Variants in ACER3 observed in about 807,000 individuals in gnomAD.
The protein encoded by ACER3 is alkaline ceramidase 3.
A neutral mutation model predicts 48.9 loss-of-function variants in ACER3; 16 were observed. The observed-to-expected ratio is 0.33, with a 90% confidence interval of 0.22 to 0.50. The LOEUF (loss-of-function observed/expected upper bound fraction) is 0.50, where lower values mean the gene tolerates loss of function less well. Ranked by LOEUF, ACER3 falls within the 20% of genes least tolerant of loss-of-function variation. ACER3 has a pLI of 0.98. For synonymous variants in ACER3, 109 were observed against 107.8 expected, an observed-to-expected ratio of 1.01 and a Z score of -0.07; for missense variants, 227 against 326.0, an observed-to-expected ratio of 0.70 and a Z score of 2.34.
rs1949477854 is a variant in ACER3 at position 77,021,810 on chromosome 11, T to C, written c.*1483T>C. On this transcript the variant is annotated 3_prime_UTR_variant, in exon 11 of 11. Transcript: ENST00000532485. ...AACTATTCTGTTGTTTTTCTTCACC[T>C]ACTAGCCTTAGTTTTTAACCAAGTA... 1 of 152,174 alleles carries C rather than the reference T, an allele frequency of 6.6e-6. No homozygotes were observed. Among genetic ancestry groups the C allele is most frequent in the African/African-American group, 2.4e-5 (1 of 41,430 alleles). 9.4% of individuals were successfully genotyped at this position (152,174 alleles called of 1,614,324 possible). A position where few individuals can be genotyped will look rare whatever the true frequency, so the allele number is the denominator to read the frequency against.
At chr11:77,019,436 G>A (rs907014784) in intron 9 of ACER3, 2 of 238,664 alleles carry the variant, frequency 8.4e-6, no homozygotes, top group African/African-American at 4.6e-5. Context: ...TCCAGCCTGG[G>A]TGACAGAGCA....
intron 1 of ACER3, chr11:76,868,213 G>A (rs1945144562): frequency 2.3e-6 from 3 of 1,289,766 alleles, no homozygotes; most frequent in Middle Eastern, 2.1e-4. Flanking sequence ...GCTGGCAGAG[G>A]TGACATCCCT....
intron 3 of ACER3, among the ~76,000 whole-genome samples, chr11:76,961,173 G>C (rs1008411654): frequency 1.3e-5 from 2 of 152,172 alleles, no homozygotes; most frequent in Admixed American, 6.5e-5. Context: ...ACATTAAGGA[G>C]AATGGGAGCC....
Position 76,963,095 on chromosome 11 carries a change from G to A in ACER3, c.267+4064G>A, listed in dbSNP as rs1371903725. Reference sequence around the variant, plus strand: ...GATAAGCCACAGATAAGCAGGCAAGGCAGGAAAAGTCCAGCATAGAAGCCT... The same window carrying A: ...GATAAGCCACAGATAAGCAGGCAAGACAGGAAAAGTCCAGCATAGAAGCCT... On this transcript the variant is annotated intron_variant, in intron 3 of 10. Transcript: ENST00000532485. 5.3e-5 allele frequency among the ~76,000 whole-genome samples: 8 copies of A among 151,384 alleles called. No homozygotes were observed. In the East Asian group the frequency reaches 1.5e-3, roughly 29 times the overall value.
At chr11:76,996,884 C>A (rs1455271413) in intron 6 of ACER3, among the ~76,000 whole-genome samples, 2 of 151,952 alleles carry the variant, frequency 1.3e-5, no homozygotes, top group African/African-American at 4.8e-5. Flanking sequence ...TGCCACCACA[C>A]CTGGCTAATT....
chr11:76,963,573 T>G (rs900225546), intron 3 of ACER3, among the ~76,000 whole-genome samples: 1 of 151,312 alleles, frequency 6.6e-6, no homozygotes, highest in Non-Finnish European at 1.5e-5. Context: ...AGGTGAAACC[T>G]CGGTCAAATC....
intron 2 of ACER3, among the ~76,000 whole-genome samples, chr11:76,943,624 T>C (rs73489585): frequency 0.11 from 16,339 of 152,008 alleles, 2,904 homozygotes; most frequent in African/African-American, 0.37. Context: ...AAATAATATA[T>C]ATTCTGTAGT....
rs539636615 is a variant in ACER3, at chr11:76,889,956, A to T, written c.103+28877A>T. On this transcript the variant is annotated intron_variant, in intron 1 of 10. Transcript: ENST00000532485. ...TTAAAAACACTTAACAATATTTCGTATTCAATAATTTCAGTATATTTCATT... is the reference window on the plus strand; with the variant it reads ...TTAAAAACACTTAACAATATTTCGTTTTCAATAATTTCAGTATATTTCATT... Among the ~76,000 whole-genome samples, 58 of 152,034 alleles carry T rather than the reference A, an allele frequency of 3.8e-4. 1 individual carries two copies. The South Asian group carries it at 0.012, about 31-fold the overall frequency.
At chr11:76,974,463 A>G (rs1948385741) in intron 3 of ACER3, among the ~76,000 whole-genome samples, 2 of 152,134 alleles carry the variant, frequency 1.3e-5, no homozygotes, top group Admixed American at 6.5e-5. Flanking sequence ...TCTTTCAATT[A>G]CTTTAGTGTG....
intron 9 of ACER3, among the ~76,000 whole-genome samples, chr11:77,018,648 C>G (rs982203156): frequency 1.3e-5 from 2 of 152,208 alleles, no homozygotes; most frequent in African/African-American, 4.8e-5. Context: ...AGAGAACACA[C>G]GAATAGTGAA....
At chr11:76,884,207 C>T (rs188067967) in intron 1 of ACER3, among the ~76,000 whole-genome samples, 43 of 152,250 alleles carry the variant, frequency 2.8e-4, no homozygotes, top group Non-Finnish European at 5.1e-4. Flanking sequence ...ATTTTGGGAG[C>T]TCTTTCTCTG....
chr11:76,868,183 T>C, intron 1 of ACER3: 1 of 1,289,822 alleles, frequency 7.8e-7, no homozygotes, highest in Non-Finnish European at 1.0e-6. Flanking sequence ...CAGGCTTCTT[T>C]TTTGGTCTTG....
intron 7 of ACER3, among the ~76,000 whole-genome samples, chr11:77,010,245 G>T (rs1262988651): frequency 2.0e-5 from 3 of 151,716 alleles, no homozygotes; most frequent in African/African-American, 7.3e-5. Context: ...CTACTCGAGA[G>T]GCTGAGGTGG....
chr11:76,862,567 C>T (rs962650722), intron 1 of ACER3, among the ~76,000 whole-genome samples: 3 of 152,162 alleles, frequency 2.0e-5, no homozygotes, highest in African/African-American at 7.2e-5. Context: ...TAAAACCATG[C>T]ACTCTGCGCT....
At chr11:77,019,043 T>A (rs1165172629) in intron 9 of ACER3, among the ~76,000 whole-genome samples, 1 of 152,358 alleles carries the variant, frequency 6.6e-6, no homozygotes, top group South Asian at 2.1e-4. Context: ...GAGAAGTCAA[T>A]GCGTGGCTTC....
At chr11:76,973,176 T>C (rs1371634911) in intron 3 of ACER3, among the ~76,000 whole-genome samples, 1 of 152,222 alleles carries the variant, frequency 6.6e-6, no homozygotes. Flanking sequence ...CGGATTCCCC[T>C]GAAGTTGACC....
intron 1 of ACER3, among the ~76,000 whole-genome samples, chr11:76,898,496 T>G (rs1945991426): frequency 6.6e-6 from 1 of 152,212 alleles, no homozygotes; most frequent in Non-Finnish European, 1.5e-5. Context: ...TGCATGCTGC[T>G]ATGCCCAACT....
At chr11:76,928,426 A>G (rs1399817056) in intron 2 of ACER3, among the ~76,000 whole-genome samples, 1 of 152,106 alleles carries the variant, frequency 6.6e-6, no homozygotes, top group African/African-American at 2.4e-5. Flanking sequence ...GTTCACTCTG[A>G]TGATAGTTTC....
chr11:76,938,018 C>G (rs1277571850), intron 2 of ACER3, among the ~76,000 whole-genome samples: 2 of 151,976 alleles, frequency 1.3e-5, no homozygotes, highest in Non-Finnish European at 2.9e-5. Context: ...GTTTGTTTGT[C>G]GTGGTTGTTG....
Sources: allele counts gnomAD v4.1 joint callset (sites outside exome capture counted in the v4.1 genomes callset), GRCh38; gene constraint gnomAD v4.1.1; transcripts MANE v1.5; gene names NCBI Gene and HGNC (gene_info 2026-07-23, HGNC 2026-07-21).